Variants in MMP16 observed in about 807,000 individuals in gnomAD.
MMP16 encodes matrix metalloproteinase-16.
MMP16 carries 12 observed loss-of-function variants against 67.8 expected under a neutral mutation model. The ratio of observed to expected loss-of-function variants is 0.18; its 90% confidence interval spans 0.11 to 0.29. The LOEUF (loss-of-function observed/expected upper bound fraction) is 0.29, where lower values mean the gene tolerates loss of function less well. MMP16 is among the 10% of genes least tolerant of loss of function. The probability of loss-of-function intolerance (pLI) is 1.00; values close to 1 mark genes in which losing one functional copy is unlikely to be tolerated. For missense variants in MMP16, 475 were observed against 765.7 expected (o/e 0.62, Z 4.48); for synonymous variants, 249 against 255.9 (o/e 0.97, Z 0.26).
intron 1 of MMP16, among the ~76,000 whole-genome samples, chr8:88,261,755 A>C (rs1414982398): frequency 1.4e-5 from 2 of 138,146 alleles, no homozygotes; most frequent in African/African-American, 5.8e-5. Flanking sequence ...ATACATATGC[A>C]TACATATATG....
intron 1 of MMP16, among the ~76,000 whole-genome samples, chr8:88,241,146 T>C (rs1810027440): frequency 6.6e-6 from 1 of 151,236 alleles, no homozygotes; most frequent in Admixed American, 6.6e-5. Context: ...TCTTAAAAAA[T>C]AAAAAGACCA....
intron 1 of MMP16, among the ~76,000 whole-genome samples, chr8:88,300,681 G>T (rs1408107470): frequency 6.6e-6 from 1 of 152,146 alleles, no homozygotes; most frequent in Admixed American, 6.6e-5. Context: ...GTAGGGTTTG[G>T]TACTATTGCT....
At chr8:88,111,288 T>C (rs1809332083) in intron 6 of MMP16, among the ~76,000 whole-genome samples, 1 of 151,754 alleles carries the variant, frequency 6.6e-6, no homozygotes, top group South Asian at 2.1e-4. Context: ...ATTCTACACA[T>C]ATTGCAGTTC....
chr8:88,265,577 G>C (rs1563578081), intron 1 of MMP16, among the ~76,000 whole-genome samples: 1 of 152,094 alleles, frequency 6.6e-6, no homozygotes, highest in Non-Finnish European at 1.5e-5. Context: ...TTAGAGAACG[G>C]TCTGCAGTAG....
chr8:88,175,133 T>C (rs571298891), intron 3 of MMP16, among the ~76,000 whole-genome samples: 89 of 152,254 alleles, frequency 5.8e-4, no homozygotes, highest in African/African-American at 2.0e-3. Context: ...AAAGTGTATA[T>C]TGGGTAAGGC....
Position 88,119,101 on chromosome 8 carries a change from G to C in MMP16, c.710-240C>G, listed in dbSNP as rs28907633. 2.6e-5 allele frequency among the ~76,000 whole-genome samples: 4 copies of C among 152,118 alleles called. No homozygotes were observed. The East Asian group carries it at 5.8e-4, about 22-fold the overall frequency. On this transcript the variant is annotated intron_variant, in intron 4 of 9. Coordinates refer to ENST00000286614, the MANE Select transcript of MMP16 (RefSeq NM_005941.5). ...TCACAGAGATTTAGAATCCAAAAGG[G>C]AAGAACAAAGAATAAAAGTTGAAGA...
intron 2 of MMP16, 32 bp downstream of exon 2, chr8:88,197,125 CA>C (rs1563559487): frequency 6.3e-7 from 1 of 1,596,228 alleles, no homozygotes; most frequent in Admixed American, 1.8e-5. Flanking sequence ...GCTCAAGGAC[CA>C]AAAAGAAAGG....
intron 3 of MMP16, among the ~76,000 whole-genome samples, chr8:88,174,539 T>G (rs1254399774): frequency 1.3e-5 from 2 of 152,210 alleles, no homozygotes; most frequent in Non-Finnish European, 2.9e-5. Context: ...AATACATTTT[T>G]GGTTTAAATA....
At chr8:88,153,821 C>A (rs1305017337) in intron 4 of MMP16, among the ~76,000 whole-genome samples, 1 of 151,656 alleles carries the variant, frequency 6.6e-6, no homozygotes, top group Non-Finnish European at 1.5e-5. Flanking sequence ...GACTTCATGT[C>A]CAAAACACCA....
intron 1 of MMP16, among the ~76,000 whole-genome samples, chr8:88,292,928 T>A (rs1810949631): frequency 6.6e-6 from 1 of 152,170 alleles, no homozygotes; most frequent in Non-Finnish European, 1.5e-5. Context: ...TTTGAACCCC[T>A]TTGAGAACCT....
At chr8:88,246,095 G>A (rs1264480699) in intron 1 of MMP16, among the ~76,000 whole-genome samples, 1 of 152,054 alleles carries the variant, frequency 6.6e-6, no homozygotes. Flanking sequence ...ACACAGGCTA[G>A]GTTAAAATCC....
chr8:88,297,608 G>T (rs1162196461), intron 1 of MMP16, among the ~76,000 whole-genome samples: 1 of 152,174 alleles, frequency 6.6e-6, no homozygotes, highest in Non-Finnish European at 1.5e-5. Flanking sequence ...GATGGGGGCT[G>T]ATTCTCAGCC....
At chr8:88,069,502 T>C (rs2616490) in intron 7 of MMP16, 283,357 of 519,592 alleles carry the variant, frequency 0.55, 77,357 homozygotes, top group East Asian at 0.7. Context: ...TCTTGGATTA[T>C]AGATAGAGTG....
intron 1 of MMP16, among the ~76,000 whole-genome samples, chr8:88,323,715 G>A (rs548055412): frequency 1.5e-4 from 22 of 150,010 alleles, no homozygotes; most frequent in Admixed American, 1.4e-3. Context: ...CAGAGTTGAC[G>A]ATATGAGAGG....
intron 8 of MMP16, among the ~76,000 whole-genome samples, chr8:88,050,815 G>T (rs1195209736): frequency 6.6e-6 from 1 of 152,070 alleles, no homozygotes; most frequent in Non-Finnish European, 1.5e-5. Context: ...TGCTTAGTCT[G>T]TTCATTCATA....
chr8:88,179,754 CT>C (rs1808948802), intron 3 of MMP16, among the ~76,000 whole-genome samples: 1 of 152,056 alleles, frequency 6.6e-6, no homozygotes, highest in Non-Finnish European at 1.5e-5. Context: ...TGAAAGTAGA[CT>C]TAGATTACTT....
intron 3 of MMP16, among the ~76,000 whole-genome samples, chr8:88,183,810 G>T (rs1043114997): frequency 2.3e-4 from 33 of 143,760 alleles, no homozygotes; most frequent in Admixed American, 1.9e-3. Context: ...CCACCTCCCG[G>T]GTTCAAGTTA....
intron 1 of MMP16, among the ~76,000 whole-genome samples, chr8:88,291,801 G>A (rs1164230963): frequency 6.6e-6 from 1 of 152,180 alleles, no homozygotes; most frequent in East Asian, 1.9e-4. Context: ...GAAGATGAAA[G>A]AAAAATGAAA....
At chr8:88,324,152 T>G (rs1356296827) in intron 1 of MMP16, among the ~76,000 whole-genome samples, 1 of 152,208 alleles carries the variant, frequency 6.6e-6, no homozygotes, top group Non-Finnish European at 1.5e-5. Flanking sequence ...GTACTACTCC[T>G]GGTAGTGTCT....
Sources: allele counts gnomAD v4.1 joint callset (sites outside exome capture counted in the v4.1 genomes callset), GRCh38; gene constraint gnomAD v4.1.1; transcripts MANE v1.5; gene names NCBI Gene and HGNC (gene_info 2026-07-23, HGNC 2026-07-21).